PTPRD: variants seen among roughly 807,000 people sequenced by gnomAD.
PTPRD encodes the protein receptor-type tyrosine-protein phosphatase delta.
In PTPRD, 34 loss-of-function variants were observed where a neutral mutation model predicts 214.5. That is an observed-to-expected ratio of 0.16 (90% CI 0.12 to 0.21). The LOEUF (loss-of-function observed/expected upper bound fraction) is 0.21, where lower values mean the gene tolerates loss of function less well. PTPRD is among the 10% of genes least tolerant of loss of function. PTPRD has a pLI of 1.00. For synonymous variants in PTPRD, 1,128 were observed against 845.7 expected (o/e 1.33, Z -5.79); for missense variants, 2,545 against 2,398.7 (o/e 1.06, Z -1.27).
chr9:8,710,020 A>G (rs2098296656), intron 12 of PTPRD, among the ~76,000 whole-genome samples: 1 of 152,190 alleles, frequency 6.6e-6, no homozygotes, highest in Non-Finnish European at 1.5e-5. Flanking sequence ...CCAAACTACA[A>G]TTTACCCTAT....
At chr9:8,552,455 G>A (rs1337772897) in intron 14 of PTPRD, among the ~76,000 whole-genome samples, 2 of 152,150 alleles carry the variant, frequency 1.3e-5, no homozygotes, top group Admixed American at 6.5e-5. Context: ...AAGCCTCAGT[G>A]AGGTGCATGG....
chr9:8,681,140 G>A (rs927123850), intron 12 of PTPRD, among the ~76,000 whole-genome samples: 3 of 152,128 alleles, frequency 2.0e-5, no homozygotes, highest in East Asian at 1.9e-4. Context: ...TCCCAATCAC[G>A]CCTCATGCCA....
intron 14 of PTPRD, among the ~76,000 whole-genome samples, chr9:8,600,191 GC>G (rs1455011432): frequency 1.3e-5 from 2 of 152,184 alleles, no homozygotes; most frequent in African/African-American, 4.8e-5. Flanking sequence ...GCCGACACCT[GC>G]CCATGGAGGG....
chr9:10,575,926 G>C (rs1411993642), intron 2 of PTPRD, among the ~76,000 whole-genome samples: 1 of 152,018 alleles, frequency 6.6e-6, no homozygotes, highest in African/African-American at 2.4e-5. Context: ...TTTTGACTGG[G>C]GAATTATTTT....
intron 9 of PTPRD, among the ~76,000 whole-genome samples, chr9:9,283,478 T>G (rs1948434960): frequency 6.6e-6 from 1 of 151,466 alleles, no homozygotes; most frequent in South Asian, 2.1e-4. Flanking sequence ...GTCTATAATT[T>G]TAGCTTTATA....
chr9:8,395,436 G>A (rs2090860564), intron 36 of PTPRD, among the ~76,000 whole-genome samples: 1 of 151,462 alleles, frequency 6.6e-6, no homozygotes, highest in South Asian at 2.1e-4. Context: ...AATTCTAAAG[G>A]ACACAGGCCT....
Position 10,591,617 on chromosome 9 carries a change from G to A in PTPRD, c.-600+20781C>T, listed in dbSNP as rs180941455. Among the ~76,000 whole-genome samples the A allele has an allele frequency of 5.6e-3, 852 of 152,152 alleles. 5 individuals carry two copies. The highest frequency in any genetic ancestry group is 8.8e-3 in the Non-Finnish European group (601 of 67,988). On this transcript the variant is annotated intron_variant, in intron 2 of 45. Coordinates refer to ENST00000381196, the MANE Select transcript of PTPRD (RefSeq NM_002839.4). ...AACAGAAAACGAGGTCACACCTTGA[G>A]GGAAGGACTATTTACTGTCCCAAGA...
intron 11 of PTPRD, among the ~76,000 whole-genome samples, chr9:8,842,677 C>A (rs2097582013): frequency 6.6e-6 from 1 of 152,116 alleles, no homozygotes; most frequent in South Asian, 2.1e-4. Flanking sequence ...ACTCATCTGG[C>A]CCTAGATTTC....
intron 3 of PTPRD, among the ~76,000 whole-genome samples, chr9:10,285,439 T>G (rs1005681407): frequency 1.3e-5 from 2 of 152,122 alleles, no homozygotes; most frequent in Admixed American, 1.3e-4. Flanking sequence ...CACCCATAAG[T>G]AATATTTTAA....
intron 6 of PTPRD, among the ~76,000 whole-genome samples, chr9:9,742,592 A>C (rs1449348632): frequency 6.6e-6 from 1 of 152,178 alleles, no homozygotes; most frequent in Non-Finnish European, 1.5e-5. Context: ...TGTTATGCTA[A>C]AACTTTGAGG....
intron 3 of PTPRD, among the ~76,000 whole-genome samples, chr9:10,168,890 G>A (rs2099178632): frequency 6.6e-6 from 1 of 152,128 alleles, no homozygotes; most frequent in South Asian, 2.1e-4. Flanking sequence ...TTATCTAGAA[G>A]TAGGGCAAAC....
Position 8,737,618 on chromosome 9 carries a change from C to CA in PTPRD, c.-103-3673dup, listed in dbSNP as rs141907848. On this transcript the variant is annotated intron_variant, in intron 11 of 45. Coordinates refer to ENST00000381196, the MANE Select transcript of PTPRD (RefSeq NM_002839.4). ...TTATCCAGCATTTGTCCAATAGCCT[C>CA]AGCAGAAGCCAACCCTTTGATTTTT... Among the ~76,000 whole-genome samples, 1,131 of 152,042 alleles carry CA rather than the reference C, an allele frequency of 7.4e-3. 14 individuals carry two copies. The highest frequency in any genetic ancestry group is 0.025 in the African/African-American group (1,050 of 41,506).
chr9:8,616,346 A>C (rs1210100797), intron 14 of PTPRD, among the ~76,000 whole-genome samples: 1 of 152,106 alleles, frequency 6.6e-6, no homozygotes, highest in African/African-American at 2.4e-5. Flanking sequence ...CTCCTTTAAA[A>C]TTTCATCTAG....
intron 5 of PTPRD, among the ~76,000 whole-genome samples, chr9:9,923,585 A>G (rs2083285804): frequency 6.6e-6 from 1 of 151,990 alleles, no homozygotes; most frequent in African/African-American, 2.4e-5. Flanking sequence ...GCATACAACA[A>G]AACAATTTAA....
At chr9:8,531,024 C>A (rs2075556378) in intron 14 of PTPRD, among the ~76,000 whole-genome samples, 1 of 152,050 alleles carries the variant, frequency 6.6e-6, no homozygotes, top group South Asian at 2.1e-4. Flanking sequence ...GTAGTTAGGG[C>A]CGGGTACTAA....
At chr9:8,335,517 T>G (rs142671474) in intron 43 of PTPRD, among the ~76,000 whole-genome samples, 2,004 of 152,218 alleles carry the variant, frequency 0.013, 35 homozygotes, top group African/African-American at 0.046. Flanking sequence ...CTATTTATGA[T>G]AAACGCACAG....
In PTPRD at chr9:10,564,171, C is replaced by CTTTTTTTTTTTTTTTTTTTTT. The variant is rs71332760; in HGVS notation, c.-600+48206_-600+48226dup. On this transcript the variant is annotated intron_variant, in intron 2 of 45. Transcript: ENST00000381196. ...GTGTGCACCACCACACTAGGCTATT[C>CTTTTTTTTTTTTTTTTTTTTT]TTTTTTTTTTTTTTTTTTTTTTTTG... is the stretch of plus-strand genomic sequence containing the variant. 1.3e-3 allele frequency among the ~76,000 whole-genome samples: 39 copies of CTTTTTTTTTTTTTTTTTTTTT among 29,406 alleles called. 10 individuals are homozygous for CTTTTTTTTTTTTTTTTTTTTT. Among genetic ancestry groups the CTTTTTTTTTTTTTTTTTTTTT allele is most frequent in the African/African-American group, 2.6e-3 (16 of 6,260 alleles). 19.3% of individuals were successfully genotyped at this position (29,406 alleles called of 152,430 possible).
chr9:8,426,690 G>C (rs765802546), intron 35 of PTPRD, among the ~76,000 whole-genome samples: 1 of 151,950 alleles, frequency 6.6e-6, no homozygotes, highest in Non-Finnish European at 1.5e-5. Flanking sequence ...AACAGAAAAC[G>C]AGTTATGTGA....
At chr9:9,261,119 A>C (rs572020427) in intron 9 of PTPRD, among the ~76,000 whole-genome samples, 9 of 151,940 alleles carry the variant, frequency 5.9e-5, no homozygotes, top group African/African-American at 2.2e-4. Flanking sequence ...CATACCACCA[A>C]CAAGGATGCA....
Sources: allele counts gnomAD v4.1 joint callset (sites outside exome capture counted in the v4.1 genomes callset), GRCh38; gene constraint gnomAD v4.1.1; transcripts MANE v1.5; gene names NCBI Gene and HGNC (gene_info 2026-07-23, HGNC 2026-07-21).